The following ZMAT4 variants were observed in gnomAD, a reference collection of about 807,000 sequenced individuals.
ZMAT4 encodes the protein zinc finger matrin-type 4, also known as zinc finger matrin-type protein 4.
Under a neutral mutation model 28.7 loss-of-function variants are expected in ZMAT4, and 17 were observed. The observed-to-expected ratio is 0.59, with a 90% confidence interval of 0.41 to 0.89. The LOEUF is 0.89. Among genes scored for constraint, ZMAT4 ranks in the 40% least tolerant of loss-of-function variants. ZMAT4 has a pLI of 0.00. For synonymous variants in ZMAT4, 117 were observed against 109.2 expected (o/e 1.07, Z -0.44); for missense variants, 240 against 283.8 (o/e 0.85, Z 1.11).
intron 2 of ZMAT4, among the ~76,000 whole-genome samples, chr8:40,778,093 C>T (rs1009231766): frequency 1.3e-5 from 2 of 152,162 alleles, no homozygotes; most frequent in Non-Finnish European, 2.9e-5. Context: ...TTAAACAAAA[C>T]TCGCTTTAAA....
At chr8:40,888,187 CCTT>C (rs1420345517) in intron 1 of ZMAT4, among the ~76,000 whole-genome samples, 3 of 152,230 alleles carry the variant, frequency 2.0e-5, no homozygotes, top group Non-Finnish European at 4.4e-5. Context: ...CCACACCCCT[CCTT>C]CTCCAGAAAC....
intron 4 of ZMAT4, among the ~76,000 whole-genome samples, chr8:40,695,394 A>T (rs1285560806): frequency 6.6e-6 from 1 of 152,128 alleles, no homozygotes; most frequent in Non-Finnish European, 1.5e-5. Flanking sequence ...ACAGAGGGGA[A>T]TGGATGGGAG....
Position 40,649,338 on chromosome 8 carries a change from A to G in ZMAT4, c.577+25366T>C, listed in dbSNP as rs1017239319. ...CAAAAGAGACAAAGAAGGCCATTAC[A>G]TAATGGTAAAGGGATCAATTCAACA... On this transcript the variant is annotated intron_variant, in intron 5 of 6. Transcript: ENST00000297737. Among the ~76,000 whole-genome samples, 106 of 152,326 alleles carry G rather than the reference A, an allele frequency of 7.0e-4. 1 individual carries two copies. The highest frequency in any genetic ancestry group is 2.1e-3 in the African/African-American group (89 of 41,574).
At chr8:40,547,652 T>C (rs1161403282) in intron 6 of ZMAT4, among the ~76,000 whole-genome samples, 2 of 152,314 alleles carry the variant, frequency 1.3e-5, no homozygotes, top group Admixed American at 6.5e-5. Flanking sequence ...CTTTAAGTTC[T>C]GGGTGCATGT....
chr8:40,873,796 C>T (rs1259345157), intron 1 of ZMAT4, among the ~76,000 whole-genome samples: 2 of 152,110 alleles, frequency 1.3e-5, no homozygotes, highest in African/African-American at 2.4e-5. Context: ...GGAGAACGTC[C>T]GTCCTCCTCA....
chr8:40,663,189 C>T (rs544439449), intron 5 of ZMAT4, among the ~76,000 whole-genome samples: 7 of 152,284 alleles, frequency 4.6e-5, no homozygotes, highest in African/African-American at 1.7e-4. Context: ...GTTATGATCA[C>T]CCTTCCCCAT....
chr8:40,615,498 C>T (rs1406652870), intron 5 of ZMAT4, among the ~76,000 whole-genome samples: 1 of 152,198 alleles, frequency 6.6e-6, no homozygotes, highest in Non-Finnish European at 1.5e-5. Flanking sequence ...GGAAGTTCTC[C>T]TGGATGATAT....
intron 5 of ZMAT4, among the ~76,000 whole-genome samples, chr8:40,605,085 A>G (rs1281719520): frequency 6.6e-6 from 1 of 152,176 alleles, no homozygotes; most frequent in East Asian, 1.9e-4. Context: ...TTTCTTGGTT[A>G]ATCTCACTAA....
chr8:40,627,389 CACAA>C (rs1345515175), intron 5 of ZMAT4, among the ~76,000 whole-genome samples: 2 of 152,270 alleles, frequency 1.3e-5, no homozygotes, highest in East Asian at 3.9e-4. Flanking sequence ...GACACATACA[CACAA>C]ACACACACAT....
At chr8:40,724,829 T>C (rs1444602846) in intron 3 of ZMAT4, among the ~76,000 whole-genome samples, 1 of 152,072 alleles carries the variant, frequency 6.6e-6, no homozygotes, top group African/African-American at 2.4e-5. Context: ...GGGAAAGAAA[T>C]GCAGAGCAGG....
At chr8:40,760,723 TCTCTCTCTCTCTGTCATG>T (rs1812899530) in intron 3 of ZMAT4, among the ~76,000 whole-genome samples, 1 of 151,326 alleles carries the variant, frequency 6.6e-6, no homozygotes, top group South Asian at 2.1e-4. Context: ...TCTCTCTCTC[TCTCTCTCTCTCTGTCATG>T]CTCTCTCTCT....
chr8:40,798,374 C>T (rs1042477336), intron 2 of ZMAT4, among the ~76,000 whole-genome samples: 2 of 152,204 alleles, frequency 1.3e-5, no homozygotes, highest in African/African-American at 4.8e-5. Flanking sequence ...GGTCCCAATG[C>T]CAGGCTCTTT....
At chr8:40,821,554 T>C (rs1008519733) in intron 2 of ZMAT4, among the ~76,000 whole-genome samples, 1 of 152,208 alleles carries the variant, frequency 6.6e-6, no homozygotes, top group South Asian at 2.1e-4. Context: ...AGACATATAT[T>C]AGGTTTTTCT....
intron 2 of ZMAT4, among the ~76,000 whole-genome samples, chr8:40,807,718 G>A (rs73617452): frequency 0.019 from 2,902 of 152,162 alleles, 101 homozygotes; most frequent in African/African-American, 0.066. Context: ...AACATTTCAT[G>A]AAAAATTCTA....
chr8:40,801,514 C>CA (rs1258585325), intron 2 of ZMAT4, among the ~76,000 whole-genome samples: 2 of 151,338 alleles, frequency 1.3e-5, no homozygotes, highest in Non-Finnish European at 2.9e-5. Context: ...CTAAAAAATA[C>CA]AAAAAATTAA....
intron 1 of ZMAT4, among the ~76,000 whole-genome samples, chr8:40,895,991 G>T (rs574286921): frequency 6.6e-6 from 1 of 152,220 alleles, no homozygotes; most frequent in South Asian, 2.1e-4. Flanking sequence ...ATTATAATTG[G>T]CAGGGCTGCA....
At chr8:40,714,910 G>T (rs372677383) in intron 3 of ZMAT4, among the ~76,000 whole-genome samples, 2 of 151,856 alleles carry the variant, frequency 1.3e-5, no homozygotes, top group African/African-American at 2.4e-5. Flanking sequence ...TTAGCCAGGC[G>T]TGGTGGCACG....
At chr8:40,766,176 A>T (rs1323589566) in intron 3 of ZMAT4, among the ~76,000 whole-genome samples, 1 of 152,184 alleles carries the variant, frequency 6.6e-6, no homozygotes, top group East Asian at 1.9e-4. Context: ...CCTTGGCATG[A>T]TCCGCTTGCC....
intron 6 of ZMAT4, among the ~76,000 whole-genome samples, chr8:40,567,081 C>A (rs1053773131): frequency 2.0e-5 from 3 of 152,008 alleles, no homozygotes; most frequent in Admixed American, 6.6e-5. Flanking sequence ...AAGGCACTTA[C>A]ATAAGGAAGA....
Sources: gnomAD v4.1 joint callset for allele counts (sites outside exome capture counted in the v4.1 genomes callset) on GRCh38, gnomAD v4.1.1 for gene constraint, MANE v1.5 for transcripts, NCBI Gene and HGNC (gene_info 2026-07-23, HGNC 2026-07-21) for gene names.